TANC2: variants seen among roughly 807,000 people sequenced by gnomAD.
TANC2 encodes tetratricopeptide repeat, ankyrin repeat and coiled-coil containing 2, also known as protein TANC2.
TANC2 carries 26 observed loss-of-function variants against 210.5 expected under a neutral mutation model. That is an observed-to-expected ratio of 0.12 (90% CI 0.09 to 0.17). The LOEUF is 0.17. TANC2 is among the 10% of genes least tolerant of loss of function. The probability of loss-of-function intolerance (pLI) is 1.00; values close to 1 mark genes in which losing one functional copy is unlikely to be tolerated. For missense variants in TANC2, 2,129 were observed against 2,608.9 expected, an observed-to-expected ratio of 0.82 and a Z score of 4.01; for synonymous variants, 931 against 967.1, an observed-to-expected ratio of 0.96 and a Z score of 0.69.
chr17:63,013,694 G>A (rs1040374441), intron 2 of TANC2, among the ~76,000 whole-genome samples: 4 of 150,890 alleles, frequency 2.7e-5, no homozygotes, highest in Admixed American at 1.3e-4. Context: ...CCTGGGAGGC[G>A]GAGGTTGCAA....
rs2045677396 is a variant in TANC2 at position 63,327,217 on chromosome 17, C to T, written c.1575+8127C>T. The stretch of plus-strand genomic sequence containing the variant: ...ATTAGAATGGCTTTTGCCAAAAAGA[C>T]GAAAGATAAGTGTTGGCAAGGATGT... On this transcript the variant is annotated intron_variant, in intron 11 of 27. Coordinates refer to ENST00000689528, the Ensembl canonical transcript of TANC2. Among the ~76,000 whole-genome samples the T allele has an allele frequency of 3.3e-5, 5 of 152,050 alleles. No individual in the cohort carries two copies. In the South Asian group the frequency reaches 6.2e-4, roughly 19 times the overall value.
intron 5 of TANC2, among the ~76,000 whole-genome samples, chr17:63,159,223 A>G (rs1475437183): frequency 1.3e-5 from 2 of 152,210 alleles, no homozygotes; most frequent in African/African-American, 2.4e-5. Flanking sequence ...TCATGATTAC[A>G]GAAGGGACGG....
At chr17:62,987,160 C>T (rs905465052) in intron 1 of TANC2, among the ~76,000 whole-genome samples, 2 of 152,200 alleles carry the variant, frequency 1.3e-5, no homozygotes, top group African/African-American at 4.8e-5. Context: ...CAGACTGTTC[C>T]TCTGGCTATA....
intron 2 of TANC2, among the ~76,000 whole-genome samples, chr17:63,020,206 G>A (rs1479621854): frequency 2.0e-5 from 3 of 152,272 alleles, no homozygotes; most frequent in South Asian, 4.1e-4. Flanking sequence ...TGGATTACAG[G>A]TGTAAGCCAC....
intron 4 of TANC2, among the ~76,000 whole-genome samples, chr17:63,113,443 T>G (rs1156806362): frequency 6.6e-6 from 1 of 152,200 alleles, no homozygotes; most frequent in Non-Finnish European, 1.5e-5. Flanking sequence ...CATCCTTACC[T>G]TGTCCGTCAG....
intron 9 of TANC2, among the ~76,000 whole-genome samples, chr17:63,285,683 A>G (rs1050775858): frequency 1.3e-5 from 2 of 152,164 alleles, no homozygotes; most frequent in African/African-American, 4.8e-5. Context: ...GTCACACAAC[A>G]TACACTCAAT....
intron 8 of TANC2, among the ~76,000 whole-genome samples, chr17:63,246,172 A>G (rs1211305809): frequency 6.6e-6 from 1 of 152,044 alleles, no homozygotes; most frequent in Admixed American, 6.5e-5. Context: ...TACAACAAAT[A>G]GATAATTTAT....
At chr17:63,148,263 C>G (rs1466697141) in intron 4 of TANC2, 1 of 152,102 alleles carries the variant, frequency 6.6e-6, no homozygotes, top group African/African-American at 2.4e-5. Context: ...ACTTTGTTTT[C>G]TGTAGCCGTA....
At chr17:63,268,532 C>G (rs796836895) in intron 9 of TANC2, among the ~76,000 whole-genome samples, 1 of 152,174 alleles carries the variant, frequency 6.6e-6, no homozygotes, top group South Asian at 2.1e-4. Context: ...CCAAAAAAAT[C>G]TGAAATTCAA....
intron 5 of TANC2, among the ~76,000 whole-genome samples, chr17:63,173,996 G>GT: frequency 6.6e-6 from 1 of 152,184 alleles, no homozygotes. Context: ...GGCCTGGGTT[G>GT]TTAACACCTT....
At chr17:63,133,475 GA>G (rs201809968) in intron 4 of TANC2, among the ~76,000 whole-genome samples, 7,267 of 146,116 alleles carry the variant, frequency 0.05, 515 homozygotes, top group African/African-American at 0.17. Flanking sequence ...TTTCGAAAAA[GA>G]AAAAAAAAAA....
intron 2 of TANC2, among the ~76,000 whole-genome samples, chr17:63,065,599 T>A (rs2036167077): frequency 6.6e-6 from 1 of 152,192 alleles, no homozygotes; most frequent in Admixed American, 6.5e-5. Context: ...TAATTATGTA[T>A]GAGGTGGTAG....
chr17:63,172,813 C>T (rs1489260156), intron 5 of TANC2, among the ~76,000 whole-genome samples: 1 of 152,154 alleles, frequency 6.6e-6, no homozygotes, highest in Non-Finnish European at 1.5e-5. Context: ...TAATTTACTG[C>T]AAAAAGGCTT....
intron 2 of TANC2, among the ~76,000 whole-genome samples, chr17:63,020,129 T>A (rs936593284): frequency 1.3e-5 from 2 of 152,300 alleles, no homozygotes; most frequent in African/African-American, 4.8e-5. Flanking sequence ...GGTTTCACCA[T>A]TTTGACCAGG....
chr17:63,375,447 A>G (rs1033740249), intron 14 of TANC2, among the ~76,000 whole-genome samples: 3 of 152,202 alleles, frequency 2.0e-5, no homozygotes, highest in Non-Finnish European at 4.4e-5. Flanking sequence ...GGGTAAAGTC[A>G]ATTCTATGTC....
rs141506829 is a variant in TANC2, at chr17:63,132,025, A to G, written c.323-19245A>G. On this transcript the variant is annotated intron_variant, in intron 4 of 27. Coordinates refer to ENST00000689528, the Ensembl canonical transcript of TANC2. ...AAATCTAGCTTTAGTGCCCAATCTTATAAAAACTTTGGTTTTATTGTTTTC... is the reference window on the plus strand; with the variant it reads ...AAATCTAGCTTTAGTGCCCAATCTTGTAAAAACTTTGGTTTTATTGTTTTC... 6.2e-3 allele frequency among the ~76,000 whole-genome samples: 951 copies of G among 152,348 alleles called. 3 individuals carry two copies. Among genetic ancestry groups the G allele is most frequent in the South Asian group, 0.016 (75 of 4,834 alleles).
At chr17:63,072,938 G>A (rs969586949) in intron 2 of TANC2, among the ~76,000 whole-genome samples, 1 of 151,940 alleles carries the variant, frequency 6.6e-6, no homozygotes, top group African/African-American at 2.4e-5. Flanking sequence ...GTTACTACAC[G>A]AGCTCTATTA....
intron 9 of TANC2, among the ~76,000 whole-genome samples, chr17:63,302,627 T>G (rs1021863689): frequency 7.5e-6 from 1 of 132,756 alleles, no homozygotes; most frequent in Non-Finnish European, 1.5e-5. Context: ...TTTTTTTTTT[T>G]GCTTTCCATT....
chr17:63,076,986 A>G (rs1013657926), intron 3 of TANC2, among the ~76,000 whole-genome samples: 2 of 152,208 alleles, frequency 1.3e-5, no homozygotes, highest in African/African-American at 4.8e-5. Flanking sequence ...AATCATCAAG[A>G]TGATTCAAGA....
Sources: gnomAD v4.1 joint callset for allele counts (sites outside exome capture counted in the v4.1 genomes callset) on GRCh38, gnomAD v4.1.1 for gene constraint, MANE v1.5 for transcripts, NCBI Gene and HGNC (gene_info 2026-07-23, HGNC 2026-07-21) for gene names.